The following CPS1 variants were observed in gnomAD, a reference collection of about 807,000 sequenced individuals.
CPS1 encodes carbamoyl-phosphate synthase [ammonia], mitochondrial.
CPS1 carries 109 observed loss-of-function variants against 174.6 expected under a neutral mutation model. The ratio of observed to expected loss-of-function variants is 0.62; its 90% CI spans 0.53 to 0.73. The LOEUF (loss-of-function observed/expected upper bound fraction) is 0.73. CPS1 is among the 30% of genes least tolerant of loss of function. The pLI, the probability that CPS1 is intolerant of heterozygous loss-of-function variation, is 0.00. For synonymous variants in CPS1, 637 were observed against 632.0 expected (o/e 1.01, Z -0.12); for missense variants, 1,689 against 1,821.9 (o/e 0.93, Z 1.33).
At chr2:210,668,523 T>C (rs1203323258) in intron 34 of CPS1, among the ~76,000 whole-genome samples, 1 of 152,182 alleles carries the variant, frequency 6.6e-6, no homozygotes, top group Non-Finnish European at 1.5e-5. Flanking sequence ...TGAAGGGATA[T>C]TTGTTCTAAA....
chr2:210,487,115 A>C (rs1694752424), intron 1 of CPS1, among the ~76,000 whole-genome samples: 1 of 152,202 alleles, frequency 6.6e-6, no homozygotes, highest in Non-Finnish European at 1.5e-5. Context: ...TTTGGAAATG[A>C]AGTATAACTC....
chr2:210,659,395 G>A (rs1700838549), intron 31 of CPS1, among the ~76,000 whole-genome samples: 1 of 152,132 alleles, frequency 6.6e-6, no homozygotes, highest in Admixed American at 6.5e-5. Flanking sequence ...GCCCACTGTT[G>A]TGGGAATTAA....
In CPS1 at chr2:210,577,430, T is replaced by G. The variant is rs1217711905; in HGVS notation, c.391T>G (p.Leu131Val). The G allele has an allele frequency of 3.7e-6, 6 of 1,613,642 alleles. No homozygotes were observed. Among genetic ancestry groups the G allele is most frequent in the East Asian group, 2.2e-5 (1 of 44,858 alleles). Reference protein sequence around the residue: ...LESNGIKVSGLLVLDYSKDYN... With the variant: ...LESNGIKVSGVLVLDYSKDYN... ...CTGTCTGTCTTTCTAGGTTTCAGGT[T>G]TGCTGGTGCTGGATTATAGTAAAGA... Residue 131 changes from leucine to valine, a missense_variant, in exon 4 of 38, where the codon TTG becomes GTG. Coordinates refer to ENST00000233072, the MANE Select transcript of CPS1 (RefSeq NM_001875.5).
intron 1 of CPS1, among the ~76,000 whole-genome samples, chr2:210,484,466 C>G (rs564280243): frequency 1.3e-5 from 2 of 152,294 alleles, no homozygotes; most frequent in African/African-American, 2.4e-5. Flanking sequence ...TCCCATAGAA[C>G]TGATGTTTAT....
At chr2:210,538,437 T>G (rs1176175875) in intron 1 of CPS1, among the ~76,000 whole-genome samples, 1 of 152,078 alleles carries the variant, frequency 6.6e-6, no homozygotes, top group East Asian at 1.9e-4. Flanking sequence ...TTGTATTAGC[T>G]AAACTTATTT....
At position 210,573,342 on chromosome 2, in the gene CPS1, A is replaced by G; in HGVS notation, c.171A>G (p.Lys57=). ...HIVLEDGTKM[K]GYSFGHPSSV... is the part of the protein sequence containing the mutation. Reference sequence around the variant, plus strand: ...TCCTGGAAGATGGAACTAAGATGAAAGGTTACTCCTTTGGCCATCCATCCT... The same window carrying G: ...TCCTGGAAGATGGAACTAAGATGAAGGGTTACTCCTTTGGCCATCCATCCT... The change falls in exon 2 of 38, where the codon AAA becomes AAG. Residue 57 remains lysine (K), a synonymous_variant. Transcript: ENST00000233072. 1 of 1,613,268 alleles carries G rather than the reference A, an allele frequency of 6.2e-7. No individual in the cohort carries two copies. The highest frequency in any genetic ancestry group is 1.1e-5 in the South Asian group (1 of 91,076).
At chr2:210,479,431 C>A (rs1186746226) in intron 1 of CPS1, among the ~76,000 whole-genome samples, 1 of 151,134 alleles carries the variant, frequency 6.6e-6, no homozygotes, top group Non-Finnish European at 1.5e-5. Context: ...CTGGTTCAAG[C>A]GATTCTCCTG....
At chr2:210,536,407 GC>G (rs1394031168) in intron 1 of CPS1, among the ~76,000 whole-genome samples, 1 of 147,630 alleles carries the variant, frequency 6.8e-6, no homozygotes, top group Non-Finnish European at 1.5e-5. Context: ...TGCAAGCTCC[GC>G]CTCCCGGGTT....
At position 210,519,891 on chromosome 2, in the gene CPS1, A is replaced by T. The variant is rs1695776934; in HGVS notation, c.4-36828A>T. ...GATATAATCAGAGATGCGTTCCAGC[A>T]TACAGTGCTCAGAGGCAGCTGTGGT... is the stretch of plus-strand genomic sequence containing the variant. On this transcript the variant is annotated intron_variant, in intron 1 of 38. Transcript: ENST00000430249. The T allele has an allele frequency of 5.0e-6, 3 of 594,258 alleles. No individual in the cohort carries two copies. In the Admixed American group the frequency reaches 1.9e-4, roughly 38 times the overall value. The allele number at this position is 594,258 out of a possible 1,614,324, so 36.8% of individuals were successfully genotyped here. A position where few individuals can be genotyped will look rare whatever the true frequency, so the allele number is the denominator to read the frequency against.
At chr2:210,555,333 A>T (rs1447308586), upstream of CPS1, among the ~76,000 whole-genome samples, 1 of 151,924 alleles carries the variant, frequency 6.6e-6, no homozygotes, top group South Asian at 2.1e-4. Flanking sequence ...AAGGAACTTG[A>T]TCTTTCTTTC....
Position 210,677,072 on chromosome 2 carries a change from A to G in CPS1, c.4340A>G (p.His1447Arg). Residue 1447 changes from histidine to arginine, a missense_variant, in exon 37 of 38, where the codon CAT becomes CGT. Physicochemically the swap from His to Arg is conservative, Grantham distance 29. Coordinates refer to ENST00000233072, the MANE Select transcript of CPS1 (RefSeq NM_001875.5). ...NLPNNNTKFV[H>R]DNYVIRRTAV... ...CCCAACAACAACACTAAATTTGTCC[A>G]TGATAATTATGTGATTCGGAGGACA... 6.2e-7 allele frequency: 1 copy of G among 1,613,538 alleles called. No individual in the cohort carries two copies. Among genetic ancestry groups the G allele is most frequent in the Non-Finnish European group, 8.5e-7 (1 of 1,179,456 alleles).
At chr2:210,545,894 A>G (rs1285164452) in intron 1 of CPS1, among the ~76,000 whole-genome samples, 2 of 152,090 alleles carry the variant, frequency 1.3e-5, no homozygotes, top group Non-Finnish European at 2.9e-5. Context: ...GAAAGATGAC[A>G]TGGAGGTTTT....
intron 1 of CPS1, among the ~76,000 whole-genome samples, chr2:210,532,524 A>T (rs948755639): frequency 6.6e-6 from 1 of 152,174 alleles, no homozygotes; most frequent in Admixed American, 6.5e-5. Context: ...AATGACTAGA[A>T]AGGGAATAAG....
At chr2:210,585,753 C>T (rs1698087767) in intron 6 of CPS1, among the ~76,000 whole-genome samples, 1 of 151,842 alleles carries the variant, frequency 6.6e-6, no homozygotes, top group African/African-American at 2.4e-5. Flanking sequence ...TGTTTCACTC[C>T]TTATACCTTT....
At chr2:210,593,928 A>C (rs1314504320) in intron 11 of CPS1, among the ~76,000 whole-genome samples, 3 of 151,934 alleles carry the variant, frequency 2.0e-5, no homozygotes, top group Non-Finnish European at 4.4e-5. Flanking sequence ...ATATATTAGT[A>C]CTTCGGATTA....
In CPS1 at chr2:210,495,004, G is replaced by A. The variant is rs186860189; in HGVS notation, c.3+17238G>A. On this transcript the variant is annotated intron_variant, in intron 1 of 38. Coordinates refer to the CPS1 transcript ENST00000430249. ...TTAAATTAGAGCCTTTTGGGGTGGG[G>A]TTCTGTCTTTGGTATACACTAAAAA... 1.7e-4 allele frequency among the ~76,000 whole-genome samples: 26 copies of A among 152,260 alleles called. No homozygotes were observed. In the East Asian group the frequency reaches 4.8e-3, roughly 28 times the overall value.
At chr2:210,584,675 G>A (rs1199567339) in intron 6 of CPS1, among the ~76,000 whole-genome samples, 1 of 151,988 alleles carries the variant, frequency 6.6e-6, no homozygotes, top group African/African-American at 2.4e-5. Context: ...TAGCAAGTAA[G>A]TCTATTTAAA....
intron 4 of CPS1, among the ~76,000 whole-genome samples, chr2:210,577,949 T>A (rs1335582052): frequency 1.3e-5 from 2 of 152,114 alleles, no homozygotes; most frequent in African/African-American, 4.8e-5. Context: ...TATGCAATAC[T>A]TGCATCATCT....
At chr2:210,611,959 A>G (rs1699137419) in intron 19 of CPS1, among the ~76,000 whole-genome samples, 158 bp from the exon 20 acceptor site, 1 of 131,454 alleles carries the variant, frequency 7.6e-6, no homozygotes, top group African/African-American at 2.9e-5. Context: ...AGAGGAAGAA[A>G]AAAAGGAACA....
Sources: allele counts gnomAD v4.1 joint callset (sites outside exome capture counted in the v4.1 genomes callset), GRCh38; gene constraint gnomAD v4.1.1; transcripts MANE v1.5; gene names NCBI Gene and HGNC (gene_info 2026-07-23, HGNC 2026-07-21).